ANKRD30B: variants seen among roughly 807,000 people sequenced by gnomAD.
ANKRD30B encodes the protein ankyrin repeat domain 30B, also known as ankyrin repeat domain-containing protein 30B.
ANKRD30B carries 144 observed loss-of-function variants against 202.2 expected under a neutral mutation model. The observed-to-expected ratio is 0.71, with a 90% CI of 0.62 to 0.82. ANKRD30B has a LOEUF of 0.82. ANKRD30B is among the 40% of genes least tolerant of loss of function. The pLI, the probability that ANKRD30B is intolerant of heterozygous loss-of-function variation, is 0.00. For missense variants in ANKRD30B, 1,487 were observed against 1,669.1 expected (o/e 0.89, Z 1.90); for synonymous variants, 508 against 561.3 (o/e 0.91, Z 1.34).
At chr18:14,889,082 A>T in the ANKRD30B span, among the ~76,000 whole-genome samples, 1 of 151,494 alleles carries the variant, frequency 6.6e-6, no homozygotes, top group Non-Finnish European at 1.5e-5. Flanking sequence ...TTGCATAAAA[A>T]GGTATCTTAA....
chr18:14,776,104 G>A (rs2143824315), intron 9 of ANKRD30B, among the ~76,000 whole-genome samples: 1 of 152,252 alleles, frequency 6.6e-6, no homozygotes, highest in Non-Finnish European at 1.5e-5. Context: ...TTGGGTAAGG[G>A]GATGGTAACT....
rs1273704372 is a variant in ANKRD30B at position 14,797,992 on chromosome 18, T to C, written c.2029+138T>C. On this transcript the variant is annotated intron_variant, in intron 20 of 43. Coordinates refer to ENST00000690538, the MANE Select transcript of ANKRD30B (RefSeq NM_001367607.2). ...TTGATACAAATAATGCCAATGTTAG[T>C]ATTTATGTTTGAGAAAATGTCATTT... The C allele has an allele frequency of 5.3e-6, 5 of 944,020 alleles. No individual in the cohort carries two copies. In the East Asian group the frequency reaches 8.1e-5, roughly 15 times the overall value. 58.5% of individuals were successfully genotyped at this position (944,020 alleles called of 1,614,324 possible).
In ANKRD30B at chr18:14,854,381, G is replaced by A. The variant is rs4109041; in HGVS notation, c.*223G>A. Among the ~76,000 whole-genome samples, 27,029 of 152,128 alleles carry A rather than the reference G, an allele frequency of 0.18. 2,559 individuals are homozygous for A. The highest frequency in any genetic ancestry group is 0.22 in the Non-Finnish European group (15,085 of 67,982). ...CCACCTCACAGCATAGTGCAGAGAT[G>A]TCCTGGCAGTGCTTCTGGTGTGTGG... On this transcript the variant is annotated 3_prime_UTR_variant, in exon 44 of 44. Transcript: ENST00000690538.
chr18:14,764,734 T>G (rs1915830414), intron 7 of ANKRD30B, among the ~76,000 whole-genome samples: 1 of 152,160 alleles, frequency 6.6e-6, no homozygotes, highest in African/African-American at 2.4e-5. Flanking sequence ...CCAATCATCA[T>G]GCTCTCTCAA....
intron 30 of ANKRD30B, chr18:14,816,180 G>T (rs556467862): frequency 1.3e-5 from 2 of 152,160 alleles, no homozygotes; most frequent in Non-Finnish European, 2.9e-5. Flanking sequence ...TTTTCTCAGT[G>T]TCACGATTTG....
intron 33 of ANKRD30B, among the ~76,000 whole-genome samples, chr18:14,831,028 A>G (rs1261806245): frequency 6.6e-6 from 1 of 151,962 alleles, no homozygotes; most frequent in Non-Finnish European, 1.5e-5. Context: ...TAAAAATACA[A>G]AAAATTAGCC....
At chr18:14,894,342 A>T in the ANKRD30B span, among the ~76,000 whole-genome samples, 1 of 152,174 alleles carries the variant, frequency 6.6e-6, no homozygotes, top group South Asian at 2.1e-4. Context: ...TTTTTTAATT[A>T]CCAATAGCTT....
At chr18:14,781,716 C>T (rs540430553) in intron 11 of ANKRD30B, among the ~76,000 whole-genome samples, 1 of 152,046 alleles carries the variant, frequency 6.6e-6, no homozygotes, top group Non-Finnish European at 1.5e-5. Context: ...AGATATTCTG[C>T]TCTGCCAGTC....
intron 14 of ANKRD30B, among the ~76,000 whole-genome samples, chr18:14,786,044 C>CAAAAAAA (rs10572502): frequency 1.4e-5 from 1 of 72,714 alleles, no homozygotes; most frequent in African/African-American, 6.1e-5. Flanking sequence ...GACTCCGTCT[C>CAAAAAAA]AAAAAAAAAA....
downstream of ANKRD30B, among the ~76,000 whole-genome samples, chr18:14,855,466 T>G (rs528535996): frequency 6.6e-6 from 1 of 152,370 alleles, no homozygotes; most frequent in African/African-American, 2.4e-5. Context: ...CACTTCACAC[T>G]TGGAAGATTG....
chr18:14,809,033 G>A lies in ANKRD30B; in HGVS notation c.2386+289G>A, dbSNP rs529099369. 6.4e-4 allele frequency among the ~76,000 whole-genome samples: 96 copies of A among 149,754 alleles called. 2 individuals are homozygous for A. The highest frequency in any genetic ancestry group is 2.3e-3 in the African/African-American group (91 of 40,410). On this transcript the variant is annotated intron_variant, in intron 26 of 43. Coordinates refer to ENST00000690538, the MANE Select transcript of ANKRD30B (RefSeq NM_001367607.2). ...TGGATCGGCAGGTTGAGAAAGAATAGACACAGACAAGATAGTGAAAGCTGG... is the reference window on the plus strand; with the variant it reads ...TGGATCGGCAGGTTGAGAAAGAATAAACACAGACAAGATAGTGAAAGCTGG...
intron 34 of ANKRD30B, 42 bp from the exon 35 acceptor site, chr18:14,837,169 G>GTT: frequency 9.0e-5 from 113 of 1,257,794 alleles, no homozygotes; most frequent in South Asian, 2.9e-4. Flanking sequence ...TTTTTCTGAA[G>GTT]TTTTTTTTTT....
intron 10 of ANKRD30B, among the ~76,000 whole-genome samples, chr18:14,778,345 A>G (rs1422135394): frequency 6.6e-6 from 1 of 152,260 alleles, no homozygotes; most frequent in Non-Finnish European, 1.5e-5. Context: ...GAAGACAGAG[A>G]GTACAGAGAG....
chr18:14,842,599 C>T (rs1370345435), intron 37 of ANKRD30B, among the ~76,000 whole-genome samples: 4 of 152,230 alleles, frequency 2.6e-5, no homozygotes, highest in Non-Finnish European at 4.4e-5. Flanking sequence ...GATCAAAGAT[C>T]ATTTCTCTTT....
intron 34 of ANKRD30B, among the ~76,000 whole-genome samples, chr18:14,832,696 C>T (rs1269182445): frequency 6.6e-6 from 1 of 151,908 alleles, no homozygotes; most frequent in Non-Finnish European, 1.5e-5. Flanking sequence ...GCATAATATA[C>T]CTTATAATTA....
the ANKRD30B span, among the ~76,000 whole-genome samples, chr18:14,922,727 G>A: frequency 6.6e-6 from 1 of 152,050 alleles, no homozygotes; most frequent in Non-Finnish European, 1.5e-5. Context: ...AAGTCTTAGT[G>A]CTGCGCTGTG....
At chr18:14,923,074 A>G in the ANKRD30B span, among the ~76,000 whole-genome samples, 2 of 152,240 alleles carry the variant, frequency 1.3e-5, no homozygotes, top group South Asian at 4.1e-4. Context: ...CCTGCCGAAT[A>G]AAGAGTCCAC....
intron 36 of ANKRD30B, among the ~76,000 whole-genome samples, chr18:14,839,471 A>C (rs1464268615): frequency 3.9e-5 from 6 of 152,234 alleles, no homozygotes; most frequent in Non-Finnish European, 5.9e-5. Context: ...TAGCATGCAG[A>C]AAGTGGGGTA....
the ANKRD30B span, chr18:14,905,317 C>T: frequency 0.51 from 78,135 of 152,058 alleles, 20,351 homozygotes; most frequent in African/African-American, 0.54. Flanking sequence ...GTCCAAGAGT[C>T]CTCCCTTGGG....
Sources: gnomAD v4.1 joint callset for allele counts (sites outside exome capture counted in the v4.1 genomes callset) on GRCh38, gnomAD v4.1.1 for gene constraint, MANE v1.5 for transcripts, NCBI Gene and HGNC (gene_info 2026-07-23, HGNC 2026-07-21) for gene names.